The following MTHFD1L variants were observed in gnomAD, a reference collection of about 807,000 sequenced individuals.
MTHFD1L encodes the protein methylenetetrahydrofolate dehydrogenase (NADP+ dependent) 1 like, also known as monofunctional C1-tetrahydrofolate synthase, mitochondrial.
Under a neutral mutation model 119.5 loss-of-function variants are expected in MTHFD1L, and 81 were observed. That is an observed-to-expected ratio of 0.68 (90% confidence interval 0.57 to 0.82). The LOEUF is 0.82. MTHFD1L is among the 40% of genes least tolerant of loss of function. The pLI is 0.00. For synonymous variants in MTHFD1L, 430 were observed against 475.2 expected (o/e 0.90, Z 1.24); for missense variants, 1,125 against 1,253.4 (o/e 0.90, Z 1.55).
intron 7 of MTHFD1L, among the ~76,000 whole-genome samples, chr6:150,897,935 C>G (rs906775345): frequency 1.3e-5 from 2 of 152,214 alleles, no homozygotes; most frequent in African/African-American, 4.8e-5. Context: ...GTCTCCGCCT[C>G]CCAGGTTCAA....
intron 18 of MTHFD1L, 104 bp downstream of exon 18, chr6:150,960,519 T>G: frequency 7.0e-7 from 1 of 1,425,582 alleles, no homozygotes; most frequent in Non-Finnish European, 9.3e-7. Flanking sequence ...GTAATGAGGA[T>G]ACAGAAAAAG....
At chr6:151,071,836 G>GTTTTT (rs1791971307) in intron 26 of MTHFD1L, among the ~76,000 whole-genome samples, 1 of 112,484 alleles carries the variant, frequency 8.9e-6, no homozygotes, top group South Asian at 3.5e-4. Flanking sequence ...TGTAAGTACA[G>GTTTTT]ATTTTTTTTT....
At chr6:151,090,846 TCCATGTGACTGGGTGCAGCATCGCC>T (rs1794316386) in intron 26 of MTHFD1L, among the ~76,000 whole-genome samples, 2 of 124,652 alleles carry the variant, frequency 1.6e-5, no homozygotes, top group African/African-American at 6.0e-5. Context: ...GCAGCATCGC[TCCATGTGACTGGGTGCAGCATCGCC>T]CCATGCGACT....
chr6:150,975,258 C>T (rs1776395450), intron 20 of MTHFD1L, among the ~76,000 whole-genome samples: 2 of 152,298 alleles, frequency 1.3e-5, no homozygotes, highest in Non-Finnish European at 2.9e-5. Context: ...TTCACAAATA[C>T]GTACCACGGA....
At chr6:151,004,424 G>A (rs957742020) in intron 20 of MTHFD1L, among the ~76,000 whole-genome samples, 7 of 152,256 alleles carry the variant, frequency 4.6e-5, no homozygotes, top group East Asian at 3.9e-4. Context: ...TGTAGAAATC[G>A]TCTCTCCCTC....
intron 18 of MTHFD1L, 91 bp from the exon 19 acceptor site, chr6:150,964,878 C>G: frequency 7.6e-7 from 1 of 1,312,300 alleles, no homozygotes; most frequent in Non-Finnish European, 1.1e-6. Flanking sequence ...GGACGCCCAC[C>G]CAAGAAGCAG....
At chr6:150,912,910 A>G (rs1787176150) in intron 8 of MTHFD1L, 1 of 164,470 alleles carries the variant, frequency 6.1e-6, no homozygotes, top group African/African-American at 2.4e-5. Context: ...CCCTTTCTTA[A>G]TTTTCTTTAG....
At chr6:150,895,513 TCTC>T (rs1784065683) in intron 7 of MTHFD1L, among the ~76,000 whole-genome samples, 1 of 151,862 alleles carries the variant, frequency 6.6e-6, no homozygotes, top group African/African-American at 2.4e-5. Context: ...CATTTCTCCC[TCTC>T]CTCCTGAGCA....
rs1043732138 is a variant in MTHFD1L at position 150,926,690 on chromosome 6, T to C, written c.1256+395T>C. 6.6e-6 allele frequency among the ~76,000 whole-genome samples: 1 copy of C among 152,210 alleles called. No homozygotes were observed. The highest frequency in any genetic ancestry group is 1.5e-5 in the Non-Finnish European group (1 of 68,038). ...ATTTTCGTGGAAAAGGTACAGATAA[T>C]CATATGAAACATGTTTTCCTGTTAA... On this transcript the variant is annotated intron_variant, in intron 11 of 27. Transcript: ENST00000367321. The surrounding 1 kb of genome is among the most constrained non-coding windows in gnomAD (Gnocchi z 4.3).
chr6:151,002,203 G>A (rs1183170909), intron 20 of MTHFD1L, among the ~76,000 whole-genome samples: 1 of 152,220 alleles, frequency 6.6e-6, no homozygotes, highest in Non-Finnish European at 1.5e-5. Context: ...GGAGTATGGA[G>A]CAGGGACTTT....
intron 26 of MTHFD1L, among the ~76,000 whole-genome samples, chr6:151,075,168 C>T (rs1017563582): frequency 9.2e-5 from 14 of 151,950 alleles, no homozygotes; most frequent in African/African-American, 3.4e-4. Context: ...GATAATCACA[C>T]TAGATATAAA....
chr6:150,926,034 T>C lies in MTHFD1L; in HGVS notation c.1083-88T>C. 1 of 1,140,746 alleles carries C rather than the reference T, an allele frequency of 8.8e-7. No homozygotes were observed. The highest frequency in any genetic ancestry group is 1.2e-6 in the Non-Finnish European group (1 of 804,930). 70.7% of individuals were successfully genotyped at this position (1,140,746 alleles called of 1,614,324 possible). A position where few individuals can be genotyped will look rare whatever the true frequency, so the allele number is the denominator to read the frequency against. On this transcript the variant is annotated intron_variant, in intron 10 of 27. Coordinates refer to ENST00000367321, the MANE Select transcript of MTHFD1L (RefSeq NM_015440.5). This position sits in a 1 kb window ranked among gnomAD's most constrained non-coding sequence, Gnocchi z 4.3. ...CAAAGTAATTGCATTGATTTCATCG[T>C]TGGCGTGATGTGTGGCTGTTTTCAC...
intron 19 of MTHFD1L, among the ~76,000 whole-genome samples, chr6:150,968,538 C>A (rs2129014057): frequency 6.6e-6 from 1 of 152,222 alleles, no homozygotes. Flanking sequence ...GAGACGGAGT[C>A]TCTCCCTGTC....
chr6:150,878,155 G>A (rs75824167), intron 4 of MTHFD1L, among the ~76,000 whole-genome samples: 1 of 152,128 alleles, frequency 6.6e-6, no homozygotes, highest in Non-Finnish European at 1.5e-5. Context: ...GCCAGGGCCC[G>A]GCCCTTCTGT....
At chr6:151,023,288 C>G (rs927819018) in intron 24 of MTHFD1L, among the ~76,000 whole-genome samples, 4 of 152,130 alleles carry the variant, frequency 2.6e-5, no homozygotes, top group African/African-American at 4.8e-5. Flanking sequence ...CTCAAGTGAT[C>G]TGTCCTCCTC....
intron 26 of MTHFD1L, among the ~76,000 whole-genome samples, chr6:151,040,350 T>G (rs1462137374): frequency 6.6e-6 from 1 of 152,162 alleles, no homozygotes; most frequent in Admixed American, 6.5e-5. Flanking sequence ...GTAAAGAGAA[T>G]AGTTTGGTGT....
chr6:150,932,566 T>C (rs1319966876), intron 11 of MTHFD1L, among the ~76,000 whole-genome samples: 2 of 152,056 alleles, frequency 1.3e-5, no homozygotes, highest in Non-Finnish European at 2.9e-5. Context: ...GGTCAGGAGT[T>C]TGAGACCAGC....
chr6:150,926,103 G>C lies in MTHFD1L; in HGVS notation c.1083-19G>C, dbSNP rs754640528. ...AGCTGAGAAGCCTTTTCTCTCTTTC[G>C]TATTGTCTTTCCCCTCAGTGACATT... On this transcript the variant is annotated intron_variant, in intron 10 of 27. Transcript: ENST00000367321. The surrounding 1 kb of genome is among the most constrained non-coding windows in gnomAD (Gnocchi z 4.3). The C allele has an allele frequency of 6.2e-7, 1 of 1,603,730 alleles. No homozygotes were observed. The highest frequency in any genetic ancestry group is 8.5e-7 in the Non-Finnish European group (1 of 1,172,834).
chr6:151,047,578 C>T (rs1446862988), intron 26 of MTHFD1L, among the ~76,000 whole-genome samples: 5 of 152,054 alleles, frequency 3.3e-5, no homozygotes, highest in South Asian at 4.2e-4. Context: ...ATGAAGGTAC[C>T]GTGATCTGTT....
Sources: gnomAD v4.1 joint callset for allele counts (sites outside exome capture counted in the v4.1 genomes callset) on GRCh38, gnomAD v4.1.1 for gene constraint, Gnocchi (gnomAD v3.1) non-coding constraint, MANE v1.5 for transcripts, NCBI Gene and HGNC (gene_info 2026-07-23, HGNC 2026-07-21) for gene names.